TMEM255A: variants seen among roughly 807,000 people sequenced by gnomAD.
TMEM255A encodes family with sequence similarity 70, member A.
Under a neutral mutation model 23.5 loss-of-function variants are expected in TMEM255A, and 14 were observed. The observed-to-expected ratio is 0.60, with a 90% CI of 0.39 to 0.93. The LOEUF (loss-of-function observed/expected upper bound fraction) is 0.93, where lower values mean the gene tolerates loss of function less well. Among genes scored for constraint, TMEM255A ranks in the 40% least tolerant of loss-of-function variants. The probability of loss-of-function intolerance (pLI) is 0.00; values close to 1 mark genes in which losing one functional copy is unlikely to be tolerated. For synonymous variants in TMEM255A, 104 were observed against 100.3 expected (o/e 1.04, Z -0.22); for missense variants, 233 against 261.7 (o/e 0.89, Z 0.76).
chrX:120,257,397 G>A (rs1756998757), downstream of TMEM255A: 1 of 123,086 alleles, frequency 8.1e-6, no homozygotes, highest in African/African-American at 3.2e-5. Context: ...TGCCGGCAGA[G>A]CTTCCAGATC....
intron 6 of TMEM255A, 21 bp from the exon 7 acceptor site, chrX:120,277,068 T>G: frequency 8.4e-7 from 1 of 1,192,390 alleles, no homozygotes; most frequent in Admixed American, 2.2e-5. Flanking sequence ...AGGAGCATGC[T>G]CCAGTCAGTC....
In TMEM255A at chrX:120,260,211, C is replaced by T; in HGVS notation, c.*659G>A. 1 of 751,565 alleles carries T rather than the reference C, an allele frequency of 1.3e-6. No individual in the cohort carries two copies. The highest frequency in any genetic ancestry group is 1.6e-6 in the Non-Finnish European group (1 of 636,519). 61.9% of individuals were successfully genotyped at this position (751,565 alleles called of 1,213,427 possible). On this transcript the variant is annotated 3_prime_UTR_variant, in exon 9 of 9. Coordinates refer to ENST00000371369, the MANE Select transcript of TMEM255A (RefSeq NM_001104544.3). ...TTTCCGGAACAATACATCCTGTTCC[C>T]CACTACTGAAGATGCAAGAATATTG... is the stretch of plus-strand genomic sequence containing the variant.
In TMEM255A at chrX:120,260,190, C is replaced by T. The variant is rs1281956426; in HGVS notation, c.*680G>A. The T allele has an allele frequency of 2.7e-5, 20 of 746,988 alleles. No homozygotes were observed. The East Asian group carries it at 1.7e-3, about 62-fold the overall frequency. 61.6% of individuals were successfully genotyped at this position (746,988 alleles called of 1,213,427 possible). A position where few individuals can be genotyped will look rare whatever the true frequency, so the allele number is the denominator to read the frequency against. ...ATGTTGCTGTGTATTTCAGTGTTTC[C>T]GGAACAATACATCCTGTTCCCCACT... On this transcript the variant is annotated 3_prime_UTR_variant, in exon 9 of 9. Transcript: ENST00000371369.
chrX:120,289,797 G>A (rs2057901876), intron 4 of TMEM255A, among the ~76,000 whole-genome samples: 1 of 112,078 alleles, frequency 8.9e-6, no homozygotes, highest in Non-Finnish European at 1.9e-5. Context: ...CTAGTGAACG[G>A]ACAAAGAAAA....
chrX:120,276,983 G>T lies in TMEM255A; in HGVS notation c.577C>A (p.His193Asn), dbSNP rs1556019943. The change falls in exon 7 of 9, where the codon CAC becomes AAC. Residue 193 changes from histidine (H) to asparagine (N), a missense_variant. Coordinates refer to ENST00000371369, the MANE Select transcript of TMEM255A (RefSeq NM_001104544.3). ...IDVSSCQDII[H>N]LYHLLWSATI... is the part of the protein sequence containing the mutation. Reference sequence around the variant, plus strand: ...GCAGACCAGAGCAGGTGGTAGAGGTGGATGATATCTTGGCAACTGCTGACA... The same window carrying T: ...GCAGACCAGAGCAGGTGGTAGAGGTTGATGATATCTTGGCAACTGCTGACA... 8.3e-7 allele frequency: 1 copy of T among 1,210,600 alleles called. No homozygotes were observed. Among genetic ancestry groups the T allele is most frequent in the Non-Finnish European group, 1.1e-6 (1 of 894,568 alleles).
intron 7 of TMEM255A, among the ~76,000 whole-genome samples, chrX:120,275,535 A>G (rs143802805): frequency 0.012 from 1,316 of 111,040 alleles, 21 homozygotes; most frequent in African/African-American, 0.041. Context: ...GGACCCCAAA[A>G]TCTGACAGAA....
chrX:120,263,523 G>A (rs2057694212), intron 8 of TMEM255A, among the ~76,000 whole-genome samples: 1 of 111,510 alleles, frequency 9.0e-6, no homozygotes, highest in Non-Finnish European at 1.9e-5. Flanking sequence ...CAAGATCAAT[G>A]CGCATTTCCG....
At chrX:120,255,256 G>T (rs1355510150), downstream of TMEM255A, 1 of 1,211,838 alleles carries the variant, frequency 8.3e-7, no homozygotes, top group East Asian at 3.0e-5. Flanking sequence ...AAGGATGATG[G>T]TATTGGGTAT....
chrX:120,292,753 C>T (rs1677904500), intron 3 of TMEM255A, among the ~76,000 whole-genome samples: 1 of 107,151 alleles, frequency 9.3e-6, no homozygotes, highest in Non-Finnish European at 1.9e-5. Context: ...GAGCAAGACT[C>T]CATCTCGAAA....
intron 8 of TMEM255A, among the ~76,000 whole-genome samples, chrX:120,267,907 T>G (rs17332040): frequency 9.1e-6 from 1 of 109,882 alleles, no homozygotes; most frequent in Non-Finnish European, 1.9e-5. Context: ...TCCATGGTAG[T>G]GTACTAATGA....
chrX:120,254,215 T>G (rs782650704), downstream of TMEM255A: 1 of 1,210,326 alleles, frequency 8.3e-7, no homozygotes, highest in Non-Finnish European at 1.1e-6. Flanking sequence ...AGTGAAAAAT[T>G]GTTGGTATCT....
At chrX:120,308,778 G>A (rs1394412351) in intron 1 of TMEM255A, among the ~76,000 whole-genome samples, 1 of 112,116 alleles carries the variant, frequency 8.9e-6, no homozygotes, top group Non-Finnish European at 1.9e-5. Flanking sequence ...GCTGGGAGGG[G>A]ATGGGGGGAC....
chrX:120,286,979 C>T (rs782453063), intron 5 of TMEM255A, among the ~76,000 whole-genome samples, 175 bp downstream of exon 5: 15 of 111,830 alleles, frequency 1.3e-4, no homozygotes, highest in Admixed American at 4.7e-4. Context: ...CCTCATGAGG[C>T]TCCAACCTAT....
chrX:120,284,401 T>A (rs1603401883), intron 6 of TMEM255A, among the ~76,000 whole-genome samples: 1 of 111,114 alleles, frequency 9.0e-6, no homozygotes, highest in East Asian at 2.8e-4. Context: ...CTTGAAGCAC[T>A]CTTTCTCCAG....
the TMEM255A span, chrX:120,253,508 C>T: frequency 1.7e-6 from 2 of 1,210,463 alleles, no homozygotes; most frequent in Non-Finnish European, 2.2e-6. Flanking sequence ...ATGGACTCTT[C>T]TGTGATGTTA....
intron 1 of TMEM255A, among the ~76,000 whole-genome samples, chrX:120,310,991 A>G (rs1456562116): frequency 2.7e-5 from 3 of 109,858 alleles, no homozygotes; most frequent in African/African-American, 1.0e-4. Flanking sequence ...CACGCACACA[A>G]ACAGGCACAC....
chrX:120,253,584 T>A, the TMEM255A span: 1 of 1,212,246 alleles, frequency 8.2e-7, no homozygotes, highest in Non-Finnish European at 1.1e-6. Flanking sequence ...TAGTACCTAC[T>A]TCCATCAGCT....
intron 2 of TMEM255A, among the ~76,000 whole-genome samples, chrX:120,296,916 T>TA (rs1180363311): frequency 3.7e-4 from 1 of 2,726 alleles, no homozygotes; most frequent in Non-Finnish European, 5.5e-4. Context: ...TATATATATA[T>TA]TATATATAAT....
At chrX:120,255,357 G>A (rs782680446), downstream of TMEM255A, 7 of 1,209,736 alleles carry the variant, frequency 5.8e-6, no homozygotes, top group Admixed American at 1.3e-4. Context: ...TATTCAGCAG[G>A]AAAATGATTC....
Sources: allele counts gnomAD v4.1 joint callset (sites outside exome capture counted in the v4.1 genomes callset), GRCh38; gene constraint gnomAD v4.1.1; transcripts MANE v1.5; gene names NCBI Gene and HGNC (gene_info 2026-07-23, HGNC 2026-07-21).